SPATS2L: variants seen among roughly 807,000 people sequenced by gnomAD.
SPATS2L encodes spermatogenesis associated serine rich 2 like, also known as SPATS2-like protein.
A neutral mutation model predicts 59.6 loss-of-function variants in SPATS2L; 30 were observed. The observed-to-expected ratio is 0.50, with a 90% confidence interval of 0.38 to 0.68. The LOEUF (loss-of-function observed/expected upper bound fraction) is 0.68. Ranked by LOEUF, SPATS2L falls within the 30% of genes least tolerant of loss-of-function variation. The probability of loss-of-function intolerance (pLI) is 0.00; values close to 1 mark genes in which losing one functional copy is unlikely to be tolerated. For synonymous variants in SPATS2L, 252 were observed against 263.5 expected, an observed-to-expected ratio of 0.96 and a Z score of 0.42; for missense variants, 615 against 700.0, an observed-to-expected ratio of 0.88 and a Z score of 1.37.
intron 3 of SPATS2L, among the ~76,000 whole-genome samples, chr2:200,405,815 A>G (rs4674036): frequency 0.52 from 78,593 of 151,948 alleles, 20,932 homozygotes; most frequent in Non-Finnish European, 0.59. Flanking sequence ...TGTCCTTATC[A>G]TAGGGGATAA....
chr2:200,306,684 C>T, upstream of SPATS2L: 1 of 985,724 alleles, frequency 1.0e-6, no homozygotes. Flanking sequence ...CGTGGGGCGG[C>T]CGAGCCGGAG....
intron 2 of SPATS2L, among the ~76,000 whole-genome samples, chr2:200,334,935 G>A (rs1242405716): frequency 2.0e-5 from 3 of 152,218 alleles, no homozygotes; most frequent in Non-Finnish European, 4.4e-5. Flanking sequence ...ATAGTTTGAA[G>A]TTAGATAGCG....
intron 3 of SPATS2L, among the ~76,000 whole-genome samples, chr2:200,399,960 GA>G (rs199802399): frequency 2.7e-5 from 4 of 150,902 alleles, no homozygotes; most frequent in Non-Finnish European, 5.9e-5. Flanking sequence ...GAATGAGCAG[GA>G]AAAAAAAATC....
intron 8 of SPATS2L, among the ~76,000 whole-genome samples, chr2:200,448,577 G>GCT (rs1218098788): frequency 6.6e-6 from 1 of 152,062 alleles, no homozygotes; most frequent in South Asian, 2.1e-4. Flanking sequence ...TAATAAAAGG[G>GCT]CTCTATCTCT....
At chr2:200,374,834 A>G (rs1456930796) in intron 2 of SPATS2L, among the ~76,000 whole-genome samples, 2 of 152,254 alleles carry the variant, frequency 1.3e-5, no homozygotes, top group Admixed American at 1.3e-4. Flanking sequence ...TTGAATAACT[A>G]TGAAAGTCTT....
intron 2 of SPATS2L, among the ~76,000 whole-genome samples, chr2:200,365,978 G>A (rs1271964121): frequency 6.6e-6 from 1 of 152,154 alleles, no homozygotes; most frequent in African/African-American, 2.4e-5. Context: ...AGTAAGAATG[G>A]TAGACCTGTG....
chr2:200,354,359 A>G (rs1478802065), intron 2 of SPATS2L, among the ~76,000 whole-genome samples: 1 of 152,192 alleles, frequency 6.6e-6, no homozygotes, highest in Admixed American at 6.5e-5. Context: ...CTGTAATCCC[A>G]GCACTTTGGA....
At chr2:200,439,487 T>C (rs1420912313) in intron 7 of SPATS2L, among the ~76,000 whole-genome samples, 159 bp downstream of exon 7, 1 of 152,104 alleles carries the variant, frequency 6.6e-6, no homozygotes, top group African/African-American at 2.4e-5. Context: ...AAGGCAGAGG[T>C]GATTCCTCCC....
chr2:200,362,799 AAAG>A (rs1211760020), intron 2 of SPATS2L, among the ~76,000 whole-genome samples: 1 of 152,214 alleles, frequency 6.6e-6, no homozygotes, highest in Admixed American at 6.5e-5. Context: ...CTAAGGATAT[AAAG>A]AAGGAGAAAA....
chr2:200,387,286 G>T (rs2082021346), intron 2 of SPATS2L, among the ~76,000 whole-genome samples: 1 of 152,158 alleles, frequency 6.6e-6, no homozygotes, highest in South Asian at 2.1e-4. Context: ...CAAGTCCAGG[G>T]ATATAGAACT....
chr2:200,385,152 A>G (rs1261018014), intron 2 of SPATS2L, among the ~76,000 whole-genome samples: 1 of 152,186 alleles, frequency 6.6e-6, no homozygotes, highest in Non-Finnish European at 1.5e-5. Flanking sequence ...CATGTTTGGC[A>G]GTGATACACT....
chr2:200,315,856 C>CAA (rs374718905), intron 1 of SPATS2L, among the ~76,000 whole-genome samples: 39,913 of 90,648 alleles, frequency 0.44, 8,338 homozygotes, highest in East Asian at 0.59. Context: ...ACCAAAAATC[C>CAA]AAAAAAAAAA....
At position 200,339,374 on chromosome 2, in the gene SPATS2L, C is replaced by T. The variant is rs531275911; in HGVS notation, c.-23+9894C>T. On this transcript the variant is annotated intron_variant, in intron 2 of 12. Coordinates refer to ENST00000409140, the MANE Select transcript of SPATS2L (RefSeq NM_001100423.2). ...GTTTTTAAAGACCCTTAAGGGATATCCTTTAATACATTCCTTTTGAAAATA... is the reference window on the plus strand; with the variant it reads ...GTTTTTAAAGACCCTTAAGGGATATTCTTTAATACATTCCTTTTGAAAATA... Among the ~76,000 whole-genome samples, 267 of 152,080 alleles carry T rather than the reference C, an allele frequency of 1.8e-3. 1 individual carries two copies. Among genetic ancestry groups the T allele is most frequent in the Non-Finnish European group, 3.0e-3 (202 of 67,974 alleles).
chr2:200,468,101 C>G (rs1559160041), intron 10 of SPATS2L, among the ~76,000 whole-genome samples: 1 of 151,866 alleles, frequency 6.6e-6, no homozygotes, highest in Non-Finnish European at 1.5e-5. Flanking sequence ...CTGTACCACC[C>G]CACTTGGCTC....
rs1459252086 is a variant in SPATS2L at position 200,467,399 on chromosome 2, G to A, written c.957G>A (p.Lys319=). 1.2e-6 allele frequency: 2 copies of A among 1,609,702 alleles called. No individual in the cohort carries two copies. The highest frequency in any genetic ancestry group is 1.7e-6 in the Non-Finnish European group (2 of 1,176,020). ...TGGCCGAACTCAGGGCAGAAATTAA[G>A]GTCAGTTCTAAAATATCACAGCCTG... ...MQLAELRAEI[K]HFVSERKYDE... Residue 319 remains lysine (K), a splice_region_variant and synonymous_variant, in exon 10 of 13, where the codon AAG becomes AAA. Transcript: ENST00000409140.
chr2:200,417,831 G>A (rs909378129), intron 5 of SPATS2L, among the ~76,000 whole-genome samples: 2 of 152,184 alleles, frequency 1.3e-5, no homozygotes, highest in Non-Finnish European at 2.9e-5. Flanking sequence ...ACGAAGCCAC[G>A]CTGATGTTCA....
At chr2:200,405,001 AG>A (rs2082647632) in intron 3 of SPATS2L, among the ~76,000 whole-genome samples, 1 of 152,088 alleles carries the variant, frequency 6.6e-6, no homozygotes, top group Non-Finnish European at 1.5e-5. Flanking sequence ...CCCCATTTGA[AG>A]GTCAGCTAAT....
intron 6 of SPATS2L, among the ~76,000 whole-genome samples, chr2:200,434,750 A>G (rs1433205088): frequency 2.0e-5 from 3 of 152,172 alleles, no homozygotes; most frequent in Non-Finnish European, 4.4e-5. Flanking sequence ...AAGACTCAGT[A>G]TTGTTAAGAT....
intron 3 of SPATS2L, among the ~76,000 whole-genome samples, chr2:200,400,712 C>G (rs1299562040): frequency 6.6e-6 from 1 of 152,112 alleles, no homozygotes; most frequent in Non-Finnish European, 1.5e-5. Flanking sequence ...ATTTGAATAT[C>G]TCTTACTCTA....
Sources: gnomAD v4.1 joint callset for allele counts (sites outside exome capture counted in the v4.1 genomes callset) on GRCh38, gnomAD v4.1.1 for gene constraint, MANE v1.5 for transcripts, NCBI Gene and HGNC (gene_info 2026-07-23, HGNC 2026-07-21) for gene names.